The following CAMK4 variants were observed in gnomAD, a reference collection of about 807,000 sequenced individuals.
CAMK4 encodes the protein calcium/calmodulin dependent protein kinase IV.
Under a neutral mutation model 44.9 loss-of-function variants are expected in CAMK4, and 22 were observed. The ratio of observed to expected loss-of-function variants is 0.49; its 90% CI spans 0.35 to 0.70. The LOEUF is 0.70. Ranked by LOEUF, CAMK4 falls within the 30% of genes least tolerant of loss-of-function variation. The pLI, the probability that CAMK4 is intolerant of heterozygous loss-of-function variation, is 0.01. For missense variants in CAMK4, 498 were observed against 586.8 expected (o/e 0.85, Z 1.56); for synonymous variants, 218 against 215.4 (o/e 1.01, Z -0.11).
chr5:111,422,562 G>T (rs1038246682), intron 5 of CAMK4, among the ~76,000 whole-genome samples: 9 of 152,126 alleles, frequency 5.9e-5, no homozygotes, highest in Non-Finnish European at 8.8e-5. Flanking sequence ...ACTAATTTAA[G>T]CAGTCTTGTG....
chr5:111,432,155 A>G (rs1352402803), intron 5 of CAMK4, among the ~76,000 whole-genome samples: 13 of 152,172 alleles, frequency 8.5e-5, no homozygotes, highest in Non-Finnish European at 1.9e-4. Flanking sequence ...CATATACACA[A>G]TGGAGTACTA....
intron 2 of CAMK4, among the ~76,000 whole-genome samples, chr5:111,363,140 C>T (rs1257503550): frequency 6.6e-6 from 1 of 152,002 alleles, no homozygotes; most frequent in African/African-American, 2.4e-5. Flanking sequence ...GTAACTTCAC[C>T]TGTGCATTAA....
intron 5 of CAMK4, among the ~76,000 whole-genome samples, chr5:111,399,864 A>T (rs1580702211): frequency 6.6e-6 from 1 of 152,204 alleles, no homozygotes. Context: ...TACAGTGGGT[A>T]TGCCTCAATA....
intron 5 of CAMK4, among the ~76,000 whole-genome samples, chr5:111,400,865 T>C (rs1752197481): frequency 6.6e-6 from 1 of 152,276 alleles, no homozygotes; most frequent in Non-Finnish European, 1.5e-5. Context: ...CCCTTTTCCA[T>C]GGACTTGTAG....
intron 1 of CAMK4, among the ~76,000 whole-genome samples, chr5:111,235,990 G>A (rs149953708): frequency 6.4e-4 from 98 of 152,356 alleles, no homozygotes; most frequent in African/African-American, 2.3e-3. Context: ...GGAACAGGCA[G>A]GACACAATTG....
chr5:111,341,582 A>C (rs1054637818), intron 1 of CAMK4, among the ~76,000 whole-genome samples: 9 of 151,262 alleles, frequency 5.9e-5, no homozygotes, highest in Admixed American at 2.6e-4. Flanking sequence ...TACACTAGGA[A>C]TACACCAAGA....
At chr5:111,285,202 C>A (rs373136390) in intron 1 of CAMK4, among the ~76,000 whole-genome samples, 17 of 152,178 alleles carry the variant, frequency 1.1e-4, no homozygotes, top group African/African-American at 3.6e-4. Flanking sequence ...GCAGAATATG[C>A]AGAAAGAAAT....
intron 1 of CAMK4, among the ~76,000 whole-genome samples, chr5:111,254,549 G>C (rs1242853556): frequency 6.6e-6 from 1 of 152,172 alleles, no homozygotes; most frequent in African/African-American, 2.4e-5. Flanking sequence ...TGTCAGAGAT[G>C]ATGTTCATGC....
chr5:111,477,957 C>A (rs971430233), intron 8 of CAMK4, among the ~76,000 whole-genome samples: 1 of 152,078 alleles, frequency 6.6e-6, no homozygotes, highest in Non-Finnish European at 1.5e-5. Context: ...TCTTCCCTTT[C>A]ACACTAAATT....
rs1377852896 is a variant in CAMK4 at position 111,224,656 on chromosome 5, G to A, written c.161+12G>A. Reference sequence around the variant, plus strand: ...TCGGAGCTGGGACGGTAAGGCGCGGGCTCCGGCTGGGGAAGCCCGCGGCGT... The same window carrying A: ...TCGGAGCTGGGACGGTAAGGCGCGGACTCCGGCTGGGGAAGCCCGCGGCGT... On this transcript the variant is annotated intron_variant, in intron 1 of 10. Transcript: ENST00000282356. The surrounding 1 kb of genome is among the most constrained non-coding windows in gnomAD (Gnocchi z 5.7). The A allele has an allele frequency of 6.3e-7, 1 of 1,597,626 alleles. No homozygotes were observed. Among genetic ancestry groups the A allele is most frequent in the Non-Finnish European group, 8.5e-7 (1 of 1,172,732 alleles).
rs1755019726 is a variant in CAMK4, at chr5:111,470,328, G to C, written c.626-2983G>C. 2.0e-5 allele frequency among the ~76,000 whole-genome samples: 3 copies of C among 152,244 alleles called. No individual in the cohort carries two copies. The South Asian group carries it at 6.2e-4, about 32-fold the overall frequency. ...AAACCTTAAAAGAAAAGTTTTCTAG[G>C]AATAATTCATCTGTAGATTAAAAAA... On this transcript the variant is annotated intron_variant, in intron 7 of 10. Transcript: ENST00000282356.
At chr5:111,448,794 G>A (rs1179614017) in intron 6 of CAMK4, among the ~76,000 whole-genome samples, 2 of 152,142 alleles carry the variant, frequency 1.3e-5, no homozygotes, top group Admixed American at 6.5e-5. Flanking sequence ...AACAGAGCAA[G>A]ATTCTATCTA....
chr5:111,385,152 A>T (rs1256941661), intron 4 of CAMK4, among the ~76,000 whole-genome samples: 2 of 152,190 alleles, frequency 1.3e-5, no homozygotes, highest in Non-Finnish European at 2.9e-5. Context: ...AAGAAATAAA[A>T]ATAATAATCA....
intron 2 of CAMK4, among the ~76,000 whole-genome samples, chr5:111,371,213 C>T (rs922131913): frequency 6.6e-6 from 1 of 152,114 alleles, no homozygotes; most frequent in South Asian, 2.1e-4. Context: ...TACCAGCAAC[C>T]CATATCTTAC....
chr5:111,390,831 C>A (rs1255066010), intron 4 of CAMK4, among the ~76,000 whole-genome samples: 1 of 152,090 alleles, frequency 6.6e-6, no homozygotes, highest in Admixed American at 6.6e-5. Context: ...GCCTAACATA[C>A]AAGTGAGTGA....
At chr5:111,479,874 C>T (rs1245832020) in intron 9 of CAMK4, among the ~76,000 whole-genome samples, 1 of 152,138 alleles carries the variant, frequency 6.6e-6, no homozygotes, top group African/African-American at 2.4e-5. Context: ...ATCCAGTTCT[C>T]TCCCCCGGAC....
intron 5 of CAMK4, among the ~76,000 whole-genome samples, chr5:111,399,195 T>C (rs1324549474): frequency 1.3e-5 from 2 of 152,130 alleles, no homozygotes; most frequent in Non-Finnish European, 2.9e-5. Context: ...ACACTGGCCT[T>C]GTTTTCCGAC....
chr5:111,433,276 T>G (rs1193763688), intron 5 of CAMK4, among the ~76,000 whole-genome samples: 1 of 152,226 alleles, frequency 6.6e-6, no homozygotes, highest in East Asian at 1.9e-4. Flanking sequence ...AGGAGTAATC[T>G]AGAGTTGTAT....
At chr5:111,308,914 G>T (rs1748077798) in intron 1 of CAMK4, among the ~76,000 whole-genome samples, 1 of 152,132 alleles carries the variant, frequency 6.6e-6, no homozygotes, top group Admixed American at 6.6e-5. Flanking sequence ...TTTGCCATAT[G>T]GGGATTACCT....
Sources: allele counts gnomAD v4.1 joint callset (sites outside exome capture counted in the v4.1 genomes callset), GRCh38; gene constraint gnomAD v4.1.1; non-coding constraint Gnocchi (gnomAD v3.1); transcripts MANE v1.5; gene names NCBI Gene and HGNC (gene_info 2026-07-23, HGNC 2026-07-21).